Variants in NDUFAF2 observed in about 807,000 individuals in gnomAD.
NDUFAF2 encodes the protein NADH dehydrogenase [ubiquinone] 1 alpha subcomplex assembly factor 2.
NDUFAF2 carries 13 observed loss-of-function variants against 22.8 expected under a neutral mutation model. The ratio of observed to expected loss-of-function variants is 0.57; its 90% confidence interval spans 0.37 to 0.91. NDUFAF2 has a LOEUF of 0.91. Ranked by LOEUF, NDUFAF2 falls within the 40% of genes least tolerant of loss-of-function variation. NDUFAF2 has a pLI of 0.01. For synonymous variants in NDUFAF2, 53 were observed against 64.2 expected (o/e 0.83, Z 0.84); for missense variants, 162 against 195.2 (o/e 0.83, Z 1.01).
intron 1 of NDUFAF2, among the ~76,000 whole-genome samples, chr5:61,041,901 C>T (rs1751887913): frequency 6.6e-6 from 1 of 152,164 alleles, no homozygotes; most frequent in African/African-American, 2.4e-5. Context: ...ATCTAAAAAT[C>T]CCCATTGCAG....
At chr5:61,075,538 G>A (rs1752358258) in intron 2 of NDUFAF2, among the ~76,000 whole-genome samples, 1 of 152,062 alleles carries the variant, frequency 6.6e-6, no homozygotes, top group Admixed American at 6.5e-5. Context: ...TCCAATAATA[G>A]TATAGAATTA....
chr5:60,966,026 C>T (rs907698580), intron 1 of NDUFAF2, among the ~76,000 whole-genome samples: 1 of 152,114 alleles, frequency 6.6e-6, no homozygotes, highest in East Asian at 1.9e-4. Flanking sequence ...TTGTCGACAA[C>T]ACTTGTTACC....
chr5:61,120,968 G>T (rs565548534), intron 3 of NDUFAF2, among the ~76,000 whole-genome samples: 1 of 152,118 alleles, frequency 6.6e-6, no homozygotes, highest in Admixed American at 6.6e-5. Flanking sequence ...TAAATTACTT[G>T]CTGATCACTT....
chr5:61,134,214 G>A (rs543570178), intron 3 of NDUFAF2, among the ~76,000 whole-genome samples: 1 of 151,698 alleles, frequency 6.6e-6, no homozygotes, highest in Admixed American at 6.6e-5. Context: ...AGAAAGAGAT[G>A]CACATGTATT....
chr5:61,133,980 A>G (rs751391780), intron 3 of NDUFAF2, among the ~76,000 whole-genome samples: 5 of 152,232 alleles, frequency 3.3e-5, no homozygotes, highest in Non-Finnish European at 5.9e-5. Context: ...GTAATTTGGC[A>G]TAATTTATAG....
At chr5:61,007,772 T>G (rs1486015923) in intron 1 of NDUFAF2, among the ~76,000 whole-genome samples, 3 of 152,166 alleles carry the variant, frequency 2.0e-5, no homozygotes, top group African/African-American at 7.2e-5. Flanking sequence ...GAACTAGAAA[T>G]ACCATTTGAC....
At chr5:61,141,565 C>T (rs531640007) in intron 3 of NDUFAF2, among the ~76,000 whole-genome samples, 94 of 152,252 alleles carry the variant, frequency 6.2e-4, no homozygotes, top group African/African-American at 2.1e-3. Context: ...CCTCCTTTGA[C>T]CATCCTCTTT....
At chr5:61,016,050 G>A (rs566561797) in intron 1 of NDUFAF2, among the ~76,000 whole-genome samples, 1 of 152,246 alleles carries the variant, frequency 6.6e-6, no homozygotes, top group East Asian at 1.9e-4. Context: ...GCTGGGCGTG[G>A]TGGTGCACGC....
At chr5:61,083,997 A>G (rs900703274) in intron 2 of NDUFAF2, among the ~76,000 whole-genome samples, 9 of 151,714 alleles carry the variant, frequency 5.9e-5, no homozygotes, top group Non-Finnish European at 3.0e-5. Context: ...AACCTCCACA[A>G]TAATGATGAG....
At chr5:61,048,338 T>C (rs182345345) in intron 1 of NDUFAF2, among the ~76,000 whole-genome samples, 173 of 152,250 alleles carry the variant, frequency 1.1e-3, no homozygotes, top group Non-Finnish European at 1.9e-3. Flanking sequence ...TGGCAAATTA[T>C]TTTTTTATCC....
chr5:61,032,749 C>G (rs139467504), intron 1 of NDUFAF2, among the ~76,000 whole-genome samples: 1 of 151,952 alleles, frequency 6.6e-6, no homozygotes, highest in East Asian at 1.9e-4. Flanking sequence ...TAGTTTTTTC[C>G]AATTCTGTGA....
intron 3 of NDUFAF2, among the ~76,000 whole-genome samples, chr5:61,136,869 A>G (rs1015574290): frequency 6.6e-6 from 1 of 152,112 alleles, no homozygotes; most frequent in African/African-American, 2.4e-5. Flanking sequence ...ACTCCTGGGG[A>G]GTGTTAATAA....
At position 61,044,592 on chromosome 5, in the gene NDUFAF2, C is replaced by G. The variant is rs532872782; in HGVS notation, c.128-28533C>G. ...ATTTATTGAAGAGACTGTCCTTTCC[C>G]CATTGTGGATTTTTGGCATCTTTGT... On this transcript the variant is annotated intron_variant, in intron 1 of 3. Transcript: ENST00000296597. Among the ~76,000 whole-genome samples, 56 of 152,234 alleles carry G rather than the reference C, an allele frequency of 3.7e-4. 1 individual carries two copies. The highest frequency in any genetic ancestry group is 3.4e-3 in the Admixed American group (52 of 15,282).
At chr5:60,986,188 A>G (rs1751073195) in intron 1 of NDUFAF2, among the ~76,000 whole-genome samples, 1 of 152,224 alleles carries the variant, frequency 6.6e-6, no homozygotes, top group African/African-American at 2.4e-5. Context: ...AGAGATGTCT[A>G]CACTCTTGTG....
intron 3 of NDUFAF2, among the ~76,000 whole-genome samples, chr5:61,145,480 G>A (rs975203890): frequency 9.2e-5 from 14 of 152,050 alleles, no homozygotes; most frequent in African/African-American, 2.4e-4. Context: ...GCTCAAATTC[G>A]AAATCCAGAT....
intron 1 of NDUFAF2, among the ~76,000 whole-genome samples, chr5:60,979,826 G>C (rs548228261): frequency 6.6e-6 from 1 of 152,076 alleles, no homozygotes; most frequent in African/African-American, 2.4e-5. Flanking sequence ...AACATAGATG[G>C]GGTAGCCAGG....
intron 1 of NDUFAF2, among the ~76,000 whole-genome samples, chr5:60,984,379 T>G (rs1373055918): frequency 2.6e-5 from 4 of 152,098 alleles, no homozygotes; most frequent in African/African-American, 4.8e-5. Flanking sequence ...CCTAATTGAA[T>G]GCCCTTTATT....
chr5:61,090,400 T>C (rs1752552196), intron 2 of NDUFAF2, among the ~76,000 whole-genome samples: 1 of 152,032 alleles, frequency 6.6e-6, no homozygotes, highest in Non-Finnish European at 1.5e-5. Flanking sequence ...AATTTTGAAT[T>C]CTCTATGATT....
chr5:61,139,613 G>T (rs1214467925), intron 3 of NDUFAF2, among the ~76,000 whole-genome samples: 2 of 152,160 alleles, frequency 1.3e-5, no homozygotes, highest in Non-Finnish European at 2.9e-5. Context: ...ATGGTTAATG[G>T]CATTATCTGT....
Sources: gnomAD v4.1 joint callset for allele counts (sites outside exome capture counted in the v4.1 genomes callset) on GRCh38, gnomAD v4.1.1 for gene constraint, MANE v1.5 for transcripts, NCBI Gene and HGNC (gene_info 2026-07-23, HGNC 2026-07-21) for gene names.